Variants in SMIM17 observed in about 807,000 individuals in gnomAD.
SMIM17 encodes the protein small integral membrane protein 17.
Under a neutral mutation model 12.2 loss-of-function variants are expected in SMIM17, and 10 were observed. The observed-to-expected ratio is 0.82, with a 90% CI of 0.50 to 1.39. The LOEUF (loss-of-function observed/expected upper bound fraction) is 1.39. Among genes scored for constraint, SMIM17 ranks in the 40% most tolerant of loss-of-function variants. The pLI is 0.00. For missense variants in SMIM17, 136 were observed against 118.2 expected, an observed-to-expected ratio of 1.15 and a Z score of -0.70; for synonymous variants, 50 against 44.1, an observed-to-expected ratio of 1.13 and a Z score of -0.53.
intron 1 of SMIM17, among the ~76,000 whole-genome samples, chr19:56,645,188 AGT>A (rs1486761718): frequency 1.4e-5 from 2 of 142,426 alleles, no homozygotes; most frequent in Non-Finnish European, 3.1e-5. Context: ...AGTCTATGTG[AGT>A]GTGTGTGAAT....
rs144922135 is a variant in SMIM17, at chr19:56,651,425, A to G, written c.247-3678A>G. 2.3e-3 allele frequency among the ~76,000 whole-genome samples: 343 copies of G among 152,256 alleles called. 1 individual carries two copies. Among genetic ancestry groups the G allele is most frequent in the African/African-American group, 7.5e-3 (313 of 41,554 alleles). ...GAGTGAGTGAAGAAGTGGAAGAAAGAAAAAGAGTTACTTTCCGGGAGGGCA... is the reference window on the plus strand; with the variant it reads ...GAGTGAGTGAAGAAGTGGAAGAAAGGAAAAGAGTTACTTTCCGGGAGGGCA... On this transcript the variant is annotated intron_variant, in intron 3 of 3. Transcript: ENST00000598409.
chr19:56,646,826 A>G (rs4801180), intron 2 of SMIM17, among the ~76,000 whole-genome samples: 83,663 of 151,974 alleles, frequency 0.55, 23,241 homozygotes, highest in East Asian at 0.75. Flanking sequence ...TGGATAAAGG[A>G]TGGTGCCATT....
intron 2 of SMIM17, among the ~76,000 whole-genome samples, 136 bp from the exon 3 acceptor site, chr19:56,647,394 TGAGAGAGAGAGAGAGAGAAGGAGGGTGA>T: frequency 6.9e-6 from 1 of 145,378 alleles, no homozygotes; most frequent in East Asian, 2.0e-4. Context: ...TGTGTGTGTG[TGAGAGAGAGAGAGAGAGAAGGAGGGTGA>T]GAGAGAGAGA....
At chr19:56,648,095 ATCCATCCATCCC>A (rs761179288) in intron 3 of SMIM17, among the ~76,000 whole-genome samples, 1 of 131,696 alleles carries the variant, frequency 7.6e-6, no homozygotes, top group Non-Finnish European at 1.7e-5. Context: ...CCATCCATCC[ATCCATCCATCCC>A]TATACTTCAT....
Position 56,653,891 on chromosome 19 carries a change from C to G in SMIM17, c.247-1212C>G, listed in dbSNP as rs188632797. The stretch of plus-strand genomic sequence containing the variant: ...GTGTCCTTCCATTTTTCTTTTTTCA[C>G]AGGATTTTTTTCAGTGTTCACCATT... On this transcript the variant is annotated intron_variant, in intron 3 of 3. Transcript: ENST00000598409. 1.4e-4 allele frequency among the ~76,000 whole-genome samples: 21 copies of G among 152,210 alleles called. No individual in the cohort carries two copies. In the East Asian group the frequency reaches 3.5e-3, roughly 25 times the overall value.
At position 56,656,257 on chromosome 19, in the gene SMIM17, TC is replaced by T; in HGVS notation, c.*1046del. ...CCGTGCCCAGCCCAGAGTTCTTTTA[TC>T]CTCTAGAAAATTCTTCATTCCATAG... On this transcript the variant is annotated 3_prime_UTR_variant, in exon 4 of 4. Coordinates refer to ENST00000598409, the MANE Select transcript of SMIM17 (RefSeq NM_001193628.2). 6.6e-6 allele frequency among the ~76,000 whole-genome samples: 1 copy of T among 152,250 alleles called. No homozygotes were observed. Among genetic ancestry groups the T allele is most frequent in the Middle Eastern group, 3.4e-3 (1 of 294 alleles).
chr19:56,650,629 G>A (rs150828525), intron 3 of SMIM17, among the ~76,000 whole-genome samples: 34 of 152,202 alleles, frequency 2.2e-4, no homozygotes, highest in African/African-American at 7.7e-4. Flanking sequence ...GCTTGCTTCA[G>A]GTCCCACAAT....
In SMIM17 at chr19:56,647,579, G is replaced by C; in HGVS notation, c.191G>C (p.Gly64Ala). The change falls in exon 3 of 4, where the codon GGG (glycine) becomes GCG (alanine). Residue 64 changes from glycine (G) to alanine (A), a missense_variant. Coordinates refer to ENST00000598409, the MANE Select transcript of SMIM17 (RefSeq NM_001193628.2). ...DEKDLSSQET[G>A]LSQEWSSVEE... ...CCAGACCTGTCTTCTCAAGAGACTG[G>C]GCTTTCCCAGGAGTGGAGCTCGGTG... 6.5e-7 allele frequency: 1 copy of C among 1,535,776 alleles called. No individual in the cohort carries two copies. Among genetic ancestry groups the C allele is most frequent in the East Asian group, 2.4e-5 (1 of 40,904 alleles).
At position 56,657,056 on chromosome 19, in the gene SMIM17, A is replaced by C. The variant is rs1414265682; in HGVS notation, c.*1843A>C. Among the ~76,000 whole-genome samples the C allele has an allele frequency of 6.6e-6, 1 of 151,458 alleles. No homozygotes were observed. The highest frequency in any genetic ancestry group is 2.5e-5 in the African/African-American group (1 of 40,726). ...CATTAAAAACCAATAAGGTTATGTG[A>C]AACTTTGTTAGTACAATTGTTTTTG... On this transcript the variant is annotated 3_prime_UTR_variant, in exon 4 of 4. Transcript: ENST00000598409.
rs1234029831 is a variant in SMIM17 at position 56,657,128 on chromosome 19, A to G, written c.*1915A>G. 6.6e-6 allele frequency among the ~76,000 whole-genome samples: 1 copy of G among 152,232 alleles called. No homozygotes were observed. The highest frequency in any genetic ancestry group is 2.4e-5 in the African/African-American group (1 of 41,456). Reference sequence around the variant, plus strand: ...TGCTTTATGTACTCAACAGCTGTGTAATTCGAGGCATATAAGTGCAGCATT... The same window carrying G: ...TGCTTTATGTACTCAACAGCTGTGTGATTCGAGGCATATAAGTGCAGCATT... On this transcript the variant is annotated 3_prime_UTR_variant, in exon 4 of 4. Transcript: ENST00000598409.
rs1019602813 is a variant in SMIM17 at position 56,655,812 on chromosome 19, T to A, written c.*599T>A. On this transcript the variant is annotated 3_prime_UTR_variant, in exon 4 of 4. Transcript: ENST00000598409. ...CAGTCCCTTGACACCTTACATGAAT[T>A]CATTGTTATAACCAGGTCATAGAGT... The A allele has an allele frequency of 1.3e-5, 2 of 152,480 alleles. No individual in the cohort carries two copies. The highest frequency in any genetic ancestry group is 1.3e-4 in the Admixed American group (2 of 15,318). The allele number at this position is 152,480 out of a possible 1,614,324, so 9.4% of individuals were successfully genotyped here. A position where few individuals can be genotyped will look rare whatever the true frequency, so the allele number is the denominator to read the frequency against.
At chr19:56,647,766 T>A in intron 3 of SMIM17, 132 bp downstream of exon 3, 16 of 736,582 alleles carry the variant, frequency 2.2e-5, no homozygotes, top group Non-Finnish European at 3.4e-5. Context: ...GTGTCTGATC[T>A]CTATGGTGAT....
At chr19:56,649,304 C>G (rs10403208) in intron 3 of SMIM17, among the ~76,000 whole-genome samples, 93 of 152,130 alleles carry the variant, frequency 6.1e-4, no homozygotes, top group Admixed American at 2.6e-3. Flanking sequence ...ACATCATTCA[C>G]TCATTGCACG....
intron 1 of SMIM17, among the ~76,000 whole-genome samples, chr19:56,645,068 A>C (rs996791344): frequency 2.6e-5 from 4 of 152,170 alleles, no homozygotes; most frequent in African/African-American, 9.7e-5. Context: ...AAATGTGCAG[A>C]CTGGAGAATC....
At chr19:56,647,455 G>A in intron 2 of SMIM17, 103 bp from the exon 3 acceptor site, 5 of 683,516 alleles carry the variant, frequency 7.3e-6, no homozygotes, top group Admixed American at 2.8e-5. Flanking sequence ...GAGAGAGGAG[G>A]CTATTACTAG....
intron 3 of SMIM17, among the ~76,000 whole-genome samples, chr19:56,653,848 T>G (rs905354567): frequency 6.6e-6 from 1 of 152,256 alleles, no homozygotes; most frequent in Non-Finnish European, 1.5e-5. Flanking sequence ...TATAATATAC[T>G]TTAATAATTC....
At position 56,647,633 on chromosome 19, in the gene SMIM17, A is replaced by G. The variant is rs764046856; in HGVS notation, c.245A>G (p.Gln82Arg). The G allele has an allele frequency of 6.5e-6, 10 of 1,535,668 alleles. No homozygotes were observed. Among genetic ancestry groups the G allele is most frequent in the Non-Finnish European group, 7.8e-6 (9 of 1,146,616 alleles). The change falls in exon 3 of 4, where the codon CAG becomes CGG. Residue 82 changes from glutamine to arginine, a missense_variant and splice_region_variant. By Grantham distance (43) the Gln-to-Arg change is conservative. Transcript: ENST00000598409. ...VEEDDESEGSQGFVEWSKAPQ... is the reference protein window; with the variant it reads ...VEEDDESEGSRGFVEWSKAPQ... ...GAAGATGACGAATCAGAGGGCTCCC[A>G]GGTACACTGGGGGGTTTGTTCTTTT...
intron 3 of SMIM17, among the ~76,000 whole-genome samples, chr19:56,650,293 C>G (rs1221982521): frequency 6.6e-6 from 1 of 152,198 alleles, no homozygotes; most frequent in Non-Finnish European, 1.5e-5. Context: ...CCTGCCTCAG[C>G]CTCCTGAGTA....
At chr19:56,644,644 C>G in intron 1 of SMIM17, among the ~76,000 whole-genome samples, 1 of 152,320 alleles carries the variant, frequency 6.6e-6, no homozygotes, top group African/African-American at 2.4e-5. Context: ...CCACTGCCTC[C>G]GTCGTCTCTC....
Sources: gnomAD v4.1 joint callset for allele counts (sites outside exome capture counted in the v4.1 genomes callset) on GRCh38, gnomAD v4.1.1 for gene constraint, MANE v1.5 for transcripts, NCBI Gene and HGNC (gene_info 2026-07-23, HGNC 2026-07-21) for gene names.